The following TTC28 variants were observed in gnomAD, a reference collection of about 807,000 sequenced individuals.
TTC28 encodes the protein tetratricopeptide repeat domain 28.
Under a neutral mutation model 198.0 loss-of-function variants are expected in TTC28, and 61 were observed. The observed-to-expected ratio is 0.31, with a 90% CI of 0.25 to 0.38. The LOEUF (loss-of-function observed/expected upper bound fraction) is 0.38, where lower values mean the gene tolerates loss of function less well. TTC28 is among the 10% of genes least tolerant of loss of function. The pLI is 1.00. For synonymous variants in TTC28, 1,171 were observed against 1,297.8 expected, an observed-to-expected ratio of 0.90 and a Z score of 2.10; for missense variants, 2,678 against 3,164.0, an observed-to-expected ratio of 0.85 and a Z score of 3.69.
At chr22:28,554,237 G>A (rs1235758971) in intron 2 of TTC28, among the ~76,000 whole-genome samples, 14 of 151,740 alleles carry the variant, frequency 9.2e-5, no homozygotes, top group Non-Finnish European at 1.5e-4. Context: ...CAAACACTGC[G>A]GAAGGCCGCA....
At chr22:28,394,071 C>G (rs2046776238) in intron 2 of TTC28, among the ~76,000 whole-genome samples, 1 of 152,120 alleles carries the variant, frequency 6.6e-6, no homozygotes, top group Non-Finnish European at 1.5e-5. Context: ...TTTATACAAG[C>G]CAGCATTTTT....
chr22:28,645,402 G>A (rs2051444361), intron 1 of TTC28, among the ~76,000 whole-genome samples: 1 of 151,932 alleles, frequency 6.6e-6, no homozygotes, highest in Admixed American at 6.6e-5. Flanking sequence ...GCCAAGGTGG[G>A]GGGATCACAA....
intron 2 of TTC28, among the ~76,000 whole-genome samples, chr22:28,315,218 CA>C (rs1259344568): frequency 6.6e-6 from 1 of 151,896 alleles, no homozygotes; most frequent in African/African-American, 2.4e-5. Flanking sequence ...GAGGATGGGA[CA>C]AGGTGAAGCT....
intron 5 of TTC28, among the ~76,000 whole-genome samples, chr22:28,211,202 T>G (rs10872880): frequency 6.6e-6 from 1 of 152,084 alleles, no homozygotes; most frequent in Non-Finnish European, 1.5e-5. Flanking sequence ...AGACCATTGA[T>G]GCTAGGAAGA....
At chr22:27,998,033 G>A (rs1410952088) in intron 16 of TTC28, 1 of 164,734 alleles carries the variant, frequency 6.1e-6, no homozygotes, top group African/African-American at 2.4e-5. Flanking sequence ...AACATGCAGG[G>A]CTTGAAGCTT....
intron 1 of TTC28, among the ~76,000 whole-genome samples, chr22:28,634,296 G>A (rs1196751442): frequency 6.6e-6 from 1 of 152,068 alleles, no homozygotes; most frequent in Non-Finnish European, 1.5e-5. Flanking sequence ...CAGATCACGA[G>A]GTCAAGAGAT....
chr22:28,421,813 C>G (rs900197945), intron 2 of TTC28, among the ~76,000 whole-genome samples: 1 of 151,600 alleles, frequency 6.6e-6, no homozygotes. Flanking sequence ...CACATTCCTG[C>G]AGTCCCAGAT....
intron 2 of TTC28, among the ~76,000 whole-genome samples, chr22:28,397,194 G>T (rs532629211): frequency 6.6e-6 from 1 of 152,206 alleles, no homozygotes; most frequent in South Asian, 2.1e-4. Flanking sequence ...GTAAGATAAA[G>T]AGACAAGGGA....
intron 12 of TTC28, among the ~76,000 whole-genome samples, chr22:28,090,207 T>C (rs1941771327): frequency 6.6e-6 from 1 of 152,036 alleles, no homozygotes; most frequent in South Asian, 2.1e-4. Flanking sequence ...CATCTATAAT[T>C]TCACCATTCA....
At chr22:28,512,567 C>A (rs950053229) in intron 2 of TTC28, among the ~76,000 whole-genome samples, 1 of 152,140 alleles carries the variant, frequency 6.6e-6, no homozygotes. Context: ...AAATGTGGTA[C>A]ATGTACACCA....
At chr22:28,484,155 C>A (rs1404962058) in intron 2 of TTC28, among the ~76,000 whole-genome samples, 1 of 152,098 alleles carries the variant, frequency 6.6e-6, no homozygotes, top group African/African-American at 2.4e-5. Context: ...TAGGGCCTGG[C>A]TCTCTGCCAC....
chr22:28,649,763 G>A (rs901559027), intron 1 of TTC28, among the ~76,000 whole-genome samples: 1 of 152,070 alleles, frequency 6.6e-6, no homozygotes, highest in Non-Finnish European at 1.5e-5. Context: ...AATATACAAG[G>A]TCAAAATTAA....
intron 5 of TTC28, among the ~76,000 whole-genome samples, chr22:28,217,184 G>C (rs1282715000): frequency 6.6e-6 from 1 of 152,098 alleles, no homozygotes; most frequent in Non-Finnish European, 1.5e-5. Flanking sequence ...CCTAATAGCT[G>C]AGTGTTAATG....
chr22:28,611,011 C>G (rs1314577614), intron 2 of TTC28, among the ~76,000 whole-genome samples: 2 of 151,596 alleles, frequency 1.3e-5, no homozygotes, highest in Non-Finnish European at 2.9e-5. Flanking sequence ...AGTGAGAAGA[C>G]AAGATTAGAG....
intron 2 of TTC28, among the ~76,000 whole-genome samples, chr22:28,567,483 T>C (rs113178002): frequency 3.0e-5 from 3 of 99,532 alleles, no homozygotes; most frequent in Non-Finnish European, 6.3e-5. Flanking sequence ...TACATACATA[T>C]ATATATATAT....
At chr22:28,335,330 C>T (rs896535384) in intron 2 of TTC28, among the ~76,000 whole-genome samples, 2 of 152,132 alleles carry the variant, frequency 1.3e-5, no homozygotes, top group Non-Finnish European at 1.5e-5. Flanking sequence ...ATTGACTTGG[C>T]AATGCGGGCT....
intron 2 of TTC28, among the ~76,000 whole-genome samples, chr22:28,556,096 T>A (rs889256061): frequency 6.6e-6 from 1 of 151,922 alleles, no homozygotes; most frequent in Admixed American, 6.6e-5. Flanking sequence ...CAGTGGCTCA[T>A]GCCTGTAATC....
chr22:28,097,001 C>T (rs186845633), intron 10 of TTC28, among the ~76,000 whole-genome samples: 2 of 152,172 alleles, frequency 1.3e-5, no homozygotes, highest in South Asian at 2.1e-4. Flanking sequence ...GACGGGGTTT[C>T]GCCATGTTGG....
chr22:28,028,837 A>T, intron 13 of TTC28: 1 of 362,484 alleles, frequency 2.8e-6, no homozygotes, highest in Non-Finnish European at 5.5e-6. Flanking sequence ...TGGCTCCTTT[A>T]TTCCCACATT....
Sources: allele counts gnomAD v4.1 joint callset (sites outside exome capture counted in the v4.1 genomes callset), GRCh38; gene constraint gnomAD v4.1.1; transcripts MANE v1.5; gene names NCBI Gene and HGNC (gene_info 2026-07-23, HGNC 2026-07-21).